Variants in FAF1 observed in about 807,000 individuals in gnomAD.
FAF1 encodes Fas associated factor 1.
In FAF1, 25 loss-of-function variants were observed where a neutral mutation model predicts 92.5. The observed-to-expected ratio is 0.27, with a 90% confidence interval of 0.20 to 0.38. FAF1 has a LOEUF of 0.38. Ranked by LOEUF, FAF1 falls within the 10% of genes least tolerant of loss-of-function variation. The probability of loss-of-function intolerance (pLI) is 1.00; values close to 1 mark genes in which losing one functional copy is unlikely to be tolerated. For synonymous variants in FAF1, 234 were observed against 273.2 expected (o/e 0.86, Z 1.42); for missense variants, 636 against 793.3 (o/e 0.80, Z 2.38).
intron 3 of FAF1, among the ~76,000 whole-genome samples, chr1:50,798,703 TC>T (rs1265314577): frequency 6.6e-6 from 1 of 152,200 alleles, no homozygotes; most frequent in African/African-American, 2.4e-5. Flanking sequence ...TCAGGCTGTA[TC>T]ATCTGGGCCA....
Position 50,819,245 on chromosome 1 carries a change from T to C in FAF1, c.115-17568A>G, listed in dbSNP as rs181682573. Among the ~76,000 whole-genome samples, 4 of 152,042 alleles carry C rather than the reference T, an allele frequency of 2.6e-5. No individual in the cohort carries two copies. The East Asian group carries it at 5.8e-4, about 22-fold the overall frequency. On this transcript the variant is annotated intron_variant, in intron 2 of 18. Coordinates refer to ENST00000396153, the MANE Select transcript of FAF1 (RefSeq NM_007051.3). ...TTTTCTGACATGATAGAAATCTTGA[T>C]TGAGGGAGGGGGGATTGGCCACATG...
At chr1:50,514,386 T>C (rs548462448) in intron 15 of FAF1, among the ~76,000 whole-genome samples, 3 of 152,320 alleles carry the variant, frequency 2.0e-5, no homozygotes, top group South Asian at 4.1e-4. Context: ...GTCTGTAAAA[T>C]CATTATCTGC....
chr1:50,869,553 T>C (rs1182572707), intron 1 of FAF1, among the ~76,000 whole-genome samples: 2 of 152,204 alleles, frequency 1.3e-5, no homozygotes, highest in Admixed American at 1.3e-4. Flanking sequence ...CTCTCCTACA[T>C]AATCAATTCT....
At chr1:50,792,388 G>C (rs1417216192) in intron 3 of FAF1, among the ~76,000 whole-genome samples, 1 of 152,202 alleles carries the variant, frequency 6.6e-6, no homozygotes, top group Non-Finnish European at 1.5e-5. Context: ...TGGAAGGAGT[G>C]AGGCCCTAAG....
In FAF1 at chr1:50,697,342, T is replaced by TG. The variant is rs1038123583; in HGVS notation, c.657+8443dup. On this transcript the variant is annotated intron_variant, in intron 7 of 18. Transcript: ENST00000396153. ...TAACAGTTCTATTGCTTTTAAAAGG[T>TG]GGGGGGCTGTACTATAGACATTAAA... 3.9e-5 allele frequency among the ~76,000 whole-genome samples: 6 copies of TG among 152,180 alleles called. No homozygotes were observed. The South Asian group carries it at 8.3e-4, about 21-fold the overall frequency.
At chr1:50,547,752 T>C (rs1434543063) in intron 13 of FAF1, among the ~76,000 whole-genome samples, 1 of 152,192 alleles carries the variant, frequency 6.6e-6, no homozygotes, top group Non-Finnish European at 1.5e-5. Flanking sequence ...CTTGTTGCCA[T>C]CTAGAAATAA....
intron 7 of FAF1, among the ~76,000 whole-genome samples, chr1:50,671,487 TC>T (rs1655874694): frequency 6.6e-6 from 1 of 152,138 alleles, no homozygotes; most frequent in African/African-American, 2.4e-5. Flanking sequence ...ATCCATACAT[TC>T]ACAAAACGAT....
intron 8 of FAF1, among the ~76,000 whole-genome samples, chr1:50,630,409 A>G (rs72690478): frequency 0.023 from 3,534 of 152,338 alleles, 55 homozygotes; most frequent in Middle Eastern, 0.092. Context: ...AAGAACTATG[A>G]TAGCATTTTT....
intron 1 of FAF1, among the ~76,000 whole-genome samples, chr1:50,873,232 T>A (rs1408688584): frequency 6.6e-6 from 1 of 152,224 alleles, no homozygotes; most frequent in African/African-American, 2.4e-5. Flanking sequence ...ATAGTGTAAA[T>A]ATAACTTATA....
chr1:50,819,730 C>T lies in FAF1; in HGVS notation c.115-18053G>A, dbSNP rs867804612. On this transcript the variant is annotated intron_variant, in intron 2 of 18. Transcript: ENST00000396153. Reference sequence around the variant, plus strand: ...ATATATATATACGTATATATATATACATATATATACATATATATATACATA... The same window carrying T: ...ATATATATATACGTATATATATATATATATATATACATATATATATACATA... Among the ~76,000 whole-genome samples the T allele has an allele frequency of 5.0e-3, 179 of 35,844 alleles. 12 individuals are homozygous for T. The highest frequency in any genetic ancestry group is 0.012 in the Admixed American group (28 of 2,266). 23.5% of individuals were successfully genotyped at this position (35,844 alleles called of 152,430 possible). A position where few individuals can be genotyped will look rare whatever the true frequency, so the allele number is the denominator to read the frequency against.
chr1:50,769,865 A>C (rs905580204), intron 4 of FAF1, among the ~76,000 whole-genome samples: 1 of 152,164 alleles, frequency 6.6e-6, no homozygotes, highest in Non-Finnish European at 1.5e-5. Context: ...AGCCTGGCCA[A>C]TATGGTGAAA....
chr1:50,729,252 T>C (rs560753780), intron 6 of FAF1, among the ~76,000 whole-genome samples: 13 of 149,642 alleles, frequency 8.7e-5, no homozygotes, highest in Non-Finnish European at 1.6e-4. Flanking sequence ...ATGGGGTTTC[T>C]CCATTTTGAA....
chr1:50,724,202 C>T (rs914594595), intron 6 of FAF1, among the ~76,000 whole-genome samples: 8 of 147,492 alleles, frequency 5.4e-5, no homozygotes, highest in Non-Finnish European at 8.9e-5. Context: ...AATGCCACCA[C>T]GCTACAGCCT....
At chr1:50,570,182 G>A (rs1215839193) in intron 12 of FAF1, among the ~76,000 whole-genome samples, 2 of 152,118 alleles carry the variant, frequency 1.3e-5, no homozygotes, top group Admixed American at 1.3e-4. Flanking sequence ...TTATTCATTT[G>A]GGCCAATTCA....
At chr1:50,853,240 T>C (rs1644365187) in intron 2 of FAF1, among the ~76,000 whole-genome samples, 1 of 152,158 alleles carries the variant, frequency 6.6e-6, no homozygotes, top group Non-Finnish European at 1.5e-5. Flanking sequence ...AGGGCAAACA[T>C]TAAGATATGT....
chr1:50,736,244 C>CT (rs1228998473), intron 6 of FAF1, among the ~76,000 whole-genome samples: 1 of 152,096 alleles, frequency 6.6e-6, no homozygotes, highest in Non-Finnish European at 1.5e-5. Flanking sequence ...TCATAATTAT[C>CT]TTTTTTCTCC....
chr1:50,494,326 T>C (rs192255828), intron 15 of FAF1, among the ~76,000 whole-genome samples: 1 of 152,244 alleles, frequency 6.6e-6, no homozygotes, highest in South Asian at 2.1e-4. Context: ...ACTTCATGTA[T>C]AAATTTGTTC....
chr1:50,666,976 G>C (rs1169437926), intron 7 of FAF1, among the ~76,000 whole-genome samples: 1 of 152,238 alleles, frequency 6.6e-6, no homozygotes, highest in Non-Finnish European at 1.5e-5. Flanking sequence ...TTCCACAGCT[G>C]CTGTGCTGCA....
In FAF1 at chr1:50,825,812, A is replaced by G. The variant is rs535885913; in HGVS notation, c.115-24135T>C. ...ATGAATTTCAAAGGACTGAAATCAC[A>G]TAGTACATTTTCTAAACAAAGTGGA... On this transcript the variant is annotated intron_variant, in intron 2 of 18. Transcript: ENST00000396153. 2.6e-5 allele frequency among the ~76,000 whole-genome samples: 4 copies of G among 152,326 alleles called. No homozygotes were observed. The South Asian group carries it at 8.3e-4, about 32-fold the overall frequency.
Sources: allele counts gnomAD v4.1 joint callset (sites outside exome capture counted in the v4.1 genomes callset), GRCh38; gene constraint gnomAD v4.1.1; transcripts MANE v1.5; gene names NCBI Gene and HGNC (gene_info 2026-07-23, HGNC 2026-07-21).